Variants in FRK observed in about 807,000 individuals in gnomAD.
FRK encodes fyn related Src family tyrosine kinase.
A neutral mutation model predicts 56.4 loss-of-function variants in FRK; 51 were observed. That is an observed-to-expected ratio of 0.90 (90% CI 0.72 to 1.14). FRK has a LOEUF of 1.14. Among genes scored for constraint, FRK ranks in the 50% most tolerant of loss-of-function variants. The pLI is 0.00. For synonymous variants in FRK, 245 were observed against 217.9 expected, an observed-to-expected ratio of 1.12 and a Z score of -1.10; for missense variants, 570 against 601.4, an observed-to-expected ratio of 0.95 and a Z score of 0.55.
upstream of FRK, among the ~76,000 whole-genome samples, chr6:116,064,792 T>C (rs1294999338): frequency 2.0e-5 from 3 of 152,226 alleles, no homozygotes; most frequent in Non-Finnish European, 4.4e-5. Context: ...GCTTGGAAGA[T>C]ATGACTTGGA....
chr6:116,034,260 C>T (rs1178392973), intron 1 of FRK, among the ~76,000 whole-genome samples: 1 of 152,018 alleles, frequency 6.6e-6, no homozygotes, highest in Non-Finnish European at 1.5e-5. Context: ...TGGAATGCTC[C>T]CAACACGGAG....
In FRK at chr6:116,014,453, GA is replaced by G. The variant is rs375210823; in HGVS notation, c.345-10456del. On this transcript the variant is annotated intron_variant, in intron 1 of 7. Transcript: ENST00000606080. ...AAATATACTTTGAAAGGATTTGAAA[GA>G]GATACAGAAATCTAAAAAAATGAAA... Among the ~76,000 whole-genome samples the G allele has an allele frequency of 2.6e-3, 390 of 151,714 alleles. 12 individuals carry two copies. The South Asian group carries it at 0.044, about 17-fold the overall frequency.
chr6:115,942,977 G>A (rs1250891296), intron 7 of FRK, 43 bp downstream of exon 7: 3 of 1,578,766 alleles, frequency 1.9e-6, no homozygotes, highest in Non-Finnish European at 2.6e-6. Context: ...ACCTAAGTAA[G>A]TGACATGCAG....
At chr6:116,095,686 C>T in the FRK span, among the ~76,000 whole-genome samples, 9 of 152,144 alleles carry the variant, frequency 5.9e-5, no homozygotes, top group Admixed American at 1.3e-4. Context: ...CACACACTCT[C>T]AAAGGATTTC....
At chr6:116,094,562 T>C in the FRK span, among the ~76,000 whole-genome samples, 2 of 152,170 alleles carry the variant, frequency 1.3e-5, no homozygotes, top group African/African-American at 4.8e-5. Flanking sequence ...AAAAGGGAGT[T>C]CCTAACCTTT....
rs760517045 is a variant in FRK, at chr6:115,943,084, G to A, written c.1242C>T (p.Ser414=). 15 of 1,613,322 alleles carry A rather than the reference G, an allele frequency of 9.3e-6. No homozygotes were observed. The Middle Eastern group carries it at 5.0e-4, about 53-fold the overall frequency. The part of the protein sequence containing the change: ...AIRSNKFSIK[S]DVWSFGILLY... ...GAAGGATTCCAAATGACCATACATC[G>A]GACTTAATGCTGAATTTATTACTAC... Residue 414 remains serine (S), a synonymous_variant, in exon 7 of 8, where the codon TCC becomes TCT. Transcript: ENST00000606080.
the FRK span, among the ~76,000 whole-genome samples, chr6:116,099,240 CAAA>C: frequency 6.6e-6 from 1 of 152,038 alleles, no homozygotes; most frequent in Non-Finnish European, 1.5e-5. Flanking sequence ...GCTAAGTCAA[CAAA>C]AAACAATCCT....
In FRK at chr6:115,946,219, T is replaced by C. The variant is rs577678476; in HGVS notation, c.959-1794A>G. Among the ~76,000 whole-genome samples, 7 of 152,258 alleles carry C rather than the reference T, an allele frequency of 4.6e-5. No individual in the cohort carries two copies. The East Asian group carries it at 1.4e-3, about 29-fold the overall frequency. Reference sequence around the variant, plus strand: ...AGCCCTGACTTGAGAGGCAGCTATATACATTACAGGGGCCAGGAAACCTGG... The same window carrying C: ...AGCCCTGACTTGAGAGGCAGCTATACACATTACAGGGGCCAGGAAACCTGG... On this transcript the variant is annotated intron_variant, in intron 5 of 7. Transcript: ENST00000606080.
Position 116,004,017 on chromosome 6 carries a change from A to G in FRK, c.345-19T>C. Reference sequence around the variant, plus strand: ...GAACCACCTAAAAAGAGAGATATGTAAATGTTAAGTAACCAATTAACATTC... The same window carrying G: ...GAACCACCTAAAAAGAGAGATATGTGAATGTTAAGTAACCAATTAACATTC... On this transcript the variant is annotated intron_variant, in intron 1 of 7. Transcript: ENST00000606080. 6.2e-7 allele frequency: 1 copy of G among 1,605,202 alleles called. No individual in the cohort carries two copies. Among genetic ancestry groups the G allele is most frequent in the Non-Finnish European group, 8.5e-7 (1 of 1,174,382 alleles).
In FRK at chr6:116,004,010, G is replaced by C; in HGVS notation, c.345-12C>G. 6.2e-7 allele frequency: 1 copy of C among 1,608,354 alleles called. No individual in the cohort carries two copies. Among genetic ancestry groups the C allele is most frequent in the Non-Finnish European group, 8.5e-7 (1 of 1,176,496 alleles). ...CTCCAAAGAACCACCTAAAAAGAGA[G>C]ATATGTAAATGTTAAGTAACCAATT... is the stretch of plus-strand genomic sequence containing the variant. On this transcript the variant is annotated splice_polypyrimidine_tract_variant and intron_variant, in intron 1 of 7. Coordinates refer to ENST00000606080, the MANE Select transcript of FRK (RefSeq NM_002031.3).
chr6:116,013,540 C>T (rs762854590), intron 1 of FRK, among the ~76,000 whole-genome samples: 5 of 152,110 alleles, frequency 3.3e-5, no homozygotes, highest in Admixed American at 1.3e-4. Flanking sequence ...GAGTTGAAAG[C>T]TTTAATCATT....
intron 1 of FRK, among the ~76,000 whole-genome samples, chr6:116,052,377 G>A (rs1777212211): frequency 6.6e-6 from 1 of 152,148 alleles, no homozygotes; most frequent in Non-Finnish European, 1.5e-5. Flanking sequence ...AATTAAAGAA[G>A]AGGTGTCTCT....
In FRK at chr6:116,038,777, G is replaced by T. The variant is rs55874032; in HGVS notation, c.344+21191C>A. On this transcript the variant is annotated intron_variant, in intron 1 of 7. Coordinates refer to ENST00000606080, the MANE Select transcript of FRK (RefSeq NM_002031.3). ...CGCCATGGCGACCTCCAGGAAGTTC[G>T]TTGGGGGGAACTGGAAGATGAACCG... is the stretch of plus-strand genomic sequence containing the variant. 801 of 494,888 alleles carry T rather than the reference G, an allele frequency of 1.6e-3. 9 individuals are homozygous for T. The highest frequency in any genetic ancestry group is 0.015 in the African/African-American group (762 of 51,224). 30.7% of individuals were successfully genotyped at this position (494,888 alleles called of 1,614,324 possible).
chr6:115,986,239 T>G (rs181027495), intron 2 of FRK, among the ~76,000 whole-genome samples: 2 of 152,148 alleles, frequency 1.3e-5, no homozygotes, highest in Non-Finnish European at 2.9e-5. Flanking sequence ...TTTAAATAAT[T>G]TGGTTTGCTT....
At position 115,940,468 on chromosome 6, in the gene FRK, A is replaced by G. The variant is rs770917358; in HGVS notation, c.*1946T>C. The G allele has an allele frequency of 3.9e-5, 6 of 152,240 alleles. No individual in the cohort carries two copies. 9.4% of individuals were successfully genotyped at this position (152,240 alleles called of 1,614,324 possible). A position where few individuals can be genotyped will look rare whatever the true frequency, so the allele number is the denominator to read the frequency against. ...AAAAACCAATGGCAACAAAAGCCCA[A>G]ATTGAGAAATGGGATCTAATTAAAC... On this transcript the variant is annotated 3_prime_UTR_variant, in exon 8 of 8. Transcript: ENST00000606080.
chr6:116,001,115 G>T (rs886780258), intron 2 of FRK, among the ~76,000 whole-genome samples: 1 of 151,996 alleles, frequency 6.6e-6, no homozygotes, highest in Admixed American at 6.6e-5. Flanking sequence ...GCACATGCCT[G>T]TATTCCCAGC....
At chr6:115,958,115 A>G (rs1488741266) in intron 4 of FRK, among the ~76,000 whole-genome samples, 1 of 152,158 alleles carries the variant, frequency 6.6e-6, no homozygotes, top group Non-Finnish European at 1.5e-5. Context: ...CATCTCTACC[A>G]CTGGTTTACT....
At chr6:115,957,448 G>A (rs1396194289) in intron 4 of FRK, among the ~76,000 whole-genome samples, 1 of 152,100 alleles carries the variant, frequency 6.6e-6, no homozygotes, top group African/African-American at 2.4e-5. Flanking sequence ...ATGTTTCAGA[G>A]GCATTACTGT....
At chr6:116,034,170 A>G (rs1776389581) in intron 1 of FRK, among the ~76,000 whole-genome samples, 2 of 152,092 alleles carry the variant, frequency 1.3e-5, no homozygotes. Context: ...AGAAGGAATA[A>G]GTTATAATGT....
Sources: allele counts gnomAD v4.1 joint callset (sites outside exome capture counted in the v4.1 genomes callset), GRCh38; gene constraint gnomAD v4.1.1; transcripts MANE v1.5; gene names NCBI Gene and HGNC (gene_info 2026-07-23, HGNC 2026-07-21).